The following FAM151B variants were observed in gnomAD, a reference collection of about 807,000 sequenced individuals.
FAM151B encodes the protein protein FAM151B.
A neutral mutation model predicts 31.2 loss-of-function variants in FAM151B; 24 were observed. The observed-to-expected ratio is 0.77, with a 90% confidence interval of 0.56 to 1.08. FAM151B has a LOEUF of 1.08. Ranked by LOEUF, FAM151B falls within the 50% of genes least tolerant of loss-of-function variation. The probability of loss-of-function intolerance (pLI) is 0.00; values close to 1 mark genes in which losing one functional copy is unlikely to be tolerated. For synonymous variants in FAM151B, 105 were observed against 111.4 expected, an observed-to-expected ratio of 0.94 and a Z score of 0.36; for missense variants, 293 against 328.6, an observed-to-expected ratio of 0.89 and a Z score of 0.84.
intron 1 of FAM151B, among the ~76,000 whole-genome samples, chr5:80,488,973 C>G (rs933302720): frequency 3.3e-5 from 5 of 152,098 alleles, no homozygotes; most frequent in Non-Finnish European, 5.9e-5. Context: ...ACAGGCACCA[C>G]TACTAACTTT....
Position 80,530,626 on chromosome 5 carries a change from TC to T in FAM151B, c.671+8490del, listed in dbSNP as rs556963515. ...CAGAGAGCCAAATCATGAGTGAACTTCCATTCACAATTGCTTCAAAGAGAAT... is the reference window on the plus strand; with the variant it reads ...CAGAGAGCCAAATCATGAGTGAACTTCATTCACAATTGCTTCAAAGAGAAT... On this transcript the variant is annotated intron_variant, in intron 5 of 5. Transcript: ENST00000282226. Among the ~76,000 whole-genome samples, 6 of 152,156 alleles carry T rather than the reference TC, an allele frequency of 3.9e-5. No homozygotes were observed. In the East Asian group the frequency reaches 1.2e-3, roughly 29 times the overall value.
At chr5:80,501,100 G>A in intron 1 of FAM151B, 3 of 389,812 alleles carry the variant, frequency 7.7e-6, no homozygotes, top group Non-Finnish European at 1.4e-5. Flanking sequence ...TGCAACCTCT[G>A]CCTCCCATGT....
intron 1 of FAM151B, among the ~76,000 whole-genome samples, chr5:80,498,042 C>T (rs1743614013): frequency 6.6e-6 from 1 of 152,218 alleles, no homozygotes; most frequent in Admixed American, 6.5e-5. Context: ...TCCTCTAAAT[C>T]ATTTGGTGTA....
chr5:80,501,794 T>C lies in FAM151B; in HGVS notation c.28T>C (p.Ser10Pro). The C allele has an allele frequency of 6.3e-7, 1 of 1,597,850 alleles. No individual in the cohort carries two copies. Among genetic ancestry groups the C allele is most frequent in the African/African-American group, 1.3e-5 (1 of 74,596 alleles). MAASAGGPG[S>P]WSENILEYFL... ...TCATGTAAACACTGTTATTTTAGGA[T>C]CTTGGAGTGAAAATATACTGGAATA... Residue 10 changes from serine to proline, a missense_variant and splice_region_variant, in exon 2 of 6, where the codon TCT becomes CCT. By Grantham distance (74) the Ser-to-Pro change is moderately conservative. Transcript: ENST00000282226.
intron 4 of FAM151B, among the ~76,000 whole-genome samples, chr5:80,521,474 A>G (rs542649330): frequency 1.3e-5 from 2 of 152,244 alleles, no homozygotes; most frequent in East Asian, 3.9e-4. Flanking sequence ...ATACATATAT[A>G]GTCAATTTTA....
At chr5:80,535,197 T>A (rs548094084) in intron 5 of FAM151B, among the ~76,000 whole-genome samples, 1 of 152,338 alleles carries the variant, frequency 6.6e-6, no homozygotes, top group Non-Finnish European at 1.5e-5. Flanking sequence ...GTAGATTCAA[T>A]GCAGTCCCTA....
chr5:80,490,634 C>T (rs1743286127), intron 1 of FAM151B, among the ~76,000 whole-genome samples: 1 of 152,246 alleles, frequency 6.6e-6, no homozygotes, highest in African/African-American at 2.4e-5. Context: ...TTTGCCTGTT[C>T]TGGATGTTTC....
chr5:80,519,596 A>T, intron 3 of FAM151B, 97 bp from the exon 4 acceptor site: 1 of 973,284 alleles, frequency 1.0e-6, no homozygotes, highest in Non-Finnish European at 1.5e-6. Context: ...TTGTATTTTG[A>T]TTATGAATTT....
chr5:80,538,992 C>CTTTTT (rs11309479), intron 5 of FAM151B, among the ~76,000 whole-genome samples: 1 of 117,104 alleles, frequency 8.5e-6, no homozygotes, highest in Non-Finnish European at 1.8e-5. Context: ...TTTCCTTCCT[C>CTTTTT]TTTTTTTTTT....
In FAM151B at chr5:80,519,772, G is replaced by A. The variant is rs768471321; in HGVS notation, c.397G>A (p.Asp133Asn). The change falls in exon 4 of 6, where the codon GAT becomes AAT. Residue 133 changes from aspartate to asparagine, a missense_variant. Physicochemically the swap from Asp to Asn is conservative, Grantham distance 23. Coordinates refer to ENST00000282226, the MANE Select transcript of FAM151B (RefSeq NM_205548.3). The stretch of plus-strand genomic sequence containing the variant: ...GAAGCGTCCTGTATGGATTAATGCC[G>A]ATATTCTTCCTGGTCCAAATGGAAA... ...HLKRPVWINA[D>N]ILPGPNGNSK... The A allele has an allele frequency of 2.7e-5, 44 of 1,613,996 alleles. No individual in the cohort carries two copies. Among genetic ancestry groups the A allele is most frequent in the Non-Finnish European group, 3.4e-5 (40 of 1,180,022 alleles).
chr5:80,500,721 C>G lies in FAM151B; in HGVS notation c.26-1071C>G. 4.7e-6 allele frequency: 4 copies of G among 855,446 alleles called. No homozygotes were observed. The East Asian group carries it at 9.6e-5, about 21-fold the overall frequency. 53.0% of individuals were successfully genotyped at this position (855,446 alleles called of 1,614,324 possible). ...GTGAAGCTCAACAGGCTTCAGTTAA[C>G]ATGCTGAGGATTGTAGAGCCATATA... is the stretch of plus-strand genomic sequence containing the variant. On this transcript the variant is annotated intron_variant, in intron 1 of 5. Coordinates refer to ENST00000282226, the MANE Select transcript of FAM151B (RefSeq NM_205548.3).
intron 3 of FAM151B, among the ~76,000 whole-genome samples, chr5:80,514,320 C>G (rs1744318786): frequency 6.6e-6 from 1 of 151,692 alleles, no homozygotes; most frequent in Non-Finnish European, 1.5e-5. Context: ...ACTAAAAATA[C>G]AAAAATTAGC....
chr5:80,506,732 C>T (rs192517625), intron 2 of FAM151B, among the ~76,000 whole-genome samples: 1 of 152,166 alleles, frequency 6.6e-6, no homozygotes, highest in Admixed American at 6.6e-5. Context: ...TTCTACTGCT[C>T]TGGTTTCCAA....
chr5:80,500,941 A>G, intron 1 of FAM151B: 1 of 732,698 alleles, frequency 1.4e-6, no homozygotes, highest in Middle Eastern at 3.0e-4. Context: ...CAAAGAAGCA[A>G]ATAACTTGCT....
chr5:80,501,232 C>T, intron 1 of FAM151B: 1 of 363,286 alleles, frequency 2.8e-6, no homozygotes, highest in Non-Finnish European at 5.1e-6. Context: ...GTTGGCCAGG[C>T]TGCTCTCCAA....
intron 3 of FAM151B, among the ~76,000 whole-genome samples, chr5:80,515,646 G>A (rs1744406814): frequency 6.6e-6 from 1 of 152,126 alleles, no homozygotes; most frequent in African/African-American, 2.4e-5. Flanking sequence ...CAAAGATTTT[G>A]CAAGTTTTTT....
intron 5 of FAM151B, among the ~76,000 whole-genome samples, chr5:80,537,537 G>C (rs1313503300): frequency 6.6e-6 from 1 of 152,166 alleles, no homozygotes; most frequent in Non-Finnish European, 1.5e-5. Context: ...TTTTATCCAT[G>C]AGTAGTTGTC....
chr5:80,494,460 C>CTTTTCTTTCTTTCT (rs56167626), intron 1 of FAM151B, among the ~76,000 whole-genome samples: 1 of 70,948 alleles, frequency 1.4e-5, no homozygotes, highest in Non-Finnish European at 2.7e-5. Flanking sequence ...TCTTTCTTTT[C>CTTTTCTTTCTTTCT]TTTCTTTCTT....
intron 3 of FAM151B, among the ~76,000 whole-genome samples, chr5:80,514,129 G>A (rs904997879): frequency 6.6e-6 from 1 of 152,106 alleles, no homozygotes; most frequent in Admixed American, 6.6e-5. Flanking sequence ...TATTATATTT[G>A]TAAAGGGAAT....
Sources: gnomAD v4.1 joint callset for allele counts (sites outside exome capture counted in the v4.1 genomes callset) on GRCh38, gnomAD v4.1.1 for gene constraint, MANE v1.5 for transcripts, NCBI Gene and HGNC (gene_info 2026-07-23, HGNC 2026-07-21) for gene names.